Variants in PMFBP1 observed in about 807,000 individuals in gnomAD.
PMFBP1 encodes polyamine modulated factor 1 binding protein 1.
PMFBP1 carries 131 observed loss-of-function variants against 137.8 expected under a neutral mutation model. The observed-to-expected ratio is 0.95, with a 90% CI of 0.82 to 1.10. The LOEUF (loss-of-function observed/expected upper bound fraction) is 1.10. Ranked by LOEUF, PMFBP1 falls within the 50% of genes least tolerant of loss-of-function variation. The probability of loss-of-function intolerance (pLI) is 0.00; values close to 1 mark genes in which losing one functional copy is unlikely to be tolerated. For synonymous variants in PMFBP1, 490 were observed against 450.4 expected (o/e 1.09, Z -1.11); for missense variants, 1,199 against 1,175.4 (o/e 1.02, Z -0.29).
the PMFBP1 span, among the ~76,000 whole-genome samples, chr16:72,226,844 T>A: frequency 2.0e-5 from 3 of 152,284 alleles, no homozygotes; most frequent in East Asian, 5.8e-4. Context: ...CCCCTTGATC[T>A]CCATCAGCAA....
At position 72,154,465 on chromosome 16, in the gene PMFBP1, A is replaced by G. The variant is rs745359187; in HGVS notation, c.166-6T>C. The G allele has an allele frequency of 1.2e-6, 2 of 1,612,972 alleles. No homozygotes were observed. Among genetic ancestry groups the G allele is most frequent in the South Asian group, 2.2e-5 (2 of 91,050 alleles). On this transcript the variant is annotated splice_polypyrimidine_tract_variant and splice_region_variant and intron_variant, in intron 3 of 20. Transcript: ENST00000237353. ...GCCTGTGCTTGCTTCTTGTCCTACC[A>G]TAGAGACAGGATATACAAAAAAGGC...
At chr16:72,226,180 G>A in the PMFBP1 span, among the ~76,000 whole-genome samples, 1 of 152,152 alleles carries the variant, frequency 6.6e-6, no homozygotes, top group Non-Finnish European at 1.5e-5. Context: ...CCCAGGCTTT[G>A]TGAGCAGTGT....
At chr16:72,168,130 T>C (rs1414423580) in intron 2 of PMFBP1, among the ~76,000 whole-genome samples, 2 of 152,228 alleles carry the variant, frequency 1.3e-5, no homozygotes. Flanking sequence ...TCATCTTTCT[T>C]TGAATATTCC....
chr16:72,128,681 T>C lies in PMFBP1; in HGVS notation c.2064A>G (p.Gln688=). 6.2e-7 allele frequency: 1 copy of C among 1,614,196 alleles called. No homozygotes were observed. Among genetic ancestry groups the C allele is most frequent in the Non-Finnish European group, 8.5e-7 (1 of 1,180,034 alleles). Residue 688 remains glutamine, a synonymous_variant, in exon 14 of 21, where the codon CAA becomes CAG. Coordinates refer to ENST00000237353, the MANE Select transcript of PMFBP1 (RefSeq NM_031293.3). ...CCTCTTTATTCAAGTCTTGGATGACTTGCTGGCTGGTGTTGTATTTGTTGA... is the reference window on the plus strand; with the variant it reads ...CCTCTTTATTCAAGTCTTGGATGACCTGCTGGCTGGTGTTGTATTTGTTGA... The part of the protein sequence containing the change: ...SSLNKYNTSQ[Q]VIQDLNKEIA...
chr16:72,175,131 A>C (rs77875871), upstream of PMFBP1, among the ~76,000 whole-genome samples: 601 of 152,334 alleles, frequency 3.9e-3, 2 homozygotes, highest in Admixed American at 8.0e-3. Flanking sequence ...CAGAATGCTC[A>C]CTTTCCTGGT....
At chr16:72,156,430 A>G (rs2042981486) in intron 3 of PMFBP1, among the ~76,000 whole-genome samples, 1 of 152,016 alleles carries the variant, frequency 6.6e-6, no homozygotes, top group African/African-American at 2.4e-5. Flanking sequence ...CGTCCTGGCT[A>G]ACACAGTGAA....
the PMFBP1 span, among the ~76,000 whole-genome samples, chr16:72,202,756 G>A: frequency 5.3e-5 from 8 of 152,280 alleles, no homozygotes; most frequent in South Asian, 6.2e-4. Flanking sequence ...CCTGCTCCTC[G>A]GGCTTTTGAC....
the PMFBP1 span, among the ~76,000 whole-genome samples, chr16:72,207,696 A>C: frequency 1.5e-5 from 2 of 137,734 alleles, no homozygotes; most frequent in Non-Finnish European, 3.2e-5. Context: ...CCAGAGAAAG[A>C]GAACCAGTAG....
chr16:72,155,126 T>G (rs1359516065), intron 3 of PMFBP1, among the ~76,000 whole-genome samples: 1 of 152,144 alleles, frequency 6.6e-6, no homozygotes, highest in Non-Finnish European at 1.5e-5. Context: ...ATTCATTCAT[T>G]CATTCACTCA....
chr16:72,127,328 C>G (rs2042477296), intron 14 of PMFBP1, among the ~76,000 whole-genome samples: 1 of 152,148 alleles, frequency 6.6e-6, no homozygotes. Flanking sequence ...GAAACTATTC[C>G]TAAAGATGAA....
At chr16:72,148,312 T>C (rs1024246087) in intron 5 of PMFBP1, among the ~76,000 whole-genome samples, 16 of 140,268 alleles carry the variant, frequency 1.1e-4, no homozygotes, top group Admixed American at 5.4e-4. Flanking sequence ...TAAGTGGGAG[T>C]TGAACAATGA....
At position 72,161,094 on chromosome 16, in the gene PMFBP1, CTTTTTTT is replaced by C. The variant is rs35611285; in HGVS notation, c.165+3663_165+3669del. Among the ~76,000 whole-genome samples, 23 of 124,948 alleles carry C rather than the reference CTTTTTTT, an allele frequency of 1.8e-4. No homozygotes were observed. In the South Asian group the frequency reaches 3.6e-3, roughly 20 times the overall value. 82.0% of individuals were successfully genotyped at this position (124,948 alleles called of 152,430 possible). The stretch of plus-strand genomic sequence containing the variant: ...TATCACTGGATAGGTTTATCTGTTA[CTTTTTTT>C]TTTTTTTTTTTTTTGAGATGGAATC... On this transcript the variant is annotated intron_variant, in intron 3 of 20. Coordinates refer to ENST00000237353, the MANE Select transcript of PMFBP1 (RefSeq NM_031293.3).
chr16:72,150,286 T>C (rs905663270), intron 5 of PMFBP1, among the ~76,000 whole-genome samples: 1 of 152,152 alleles, frequency 6.6e-6, no homozygotes, highest in African/African-American at 2.4e-5. Flanking sequence ...CAGAGGGAGA[T>C]GAGCTGTGAT....
chr16:72,159,981 C>T (rs2043038255), intron 3 of PMFBP1, among the ~76,000 whole-genome samples: 1 of 152,132 alleles, frequency 6.6e-6, no homozygotes. Flanking sequence ...TCTGGTCTAC[C>T]AGGTTTCTCA....
chr16:72,224,031 C>T, the PMFBP1 span, among the ~76,000 whole-genome samples: 4,679 of 152,218 alleles, frequency 0.031, 99 homozygotes, highest in East Asian at 0.079. Flanking sequence ...ACAGACACGA[C>T]CCTGGTCTGC....
intron 4 of PMFBP1, among the ~76,000 whole-genome samples, chr16:72,153,107 C>A (rs151334681): frequency 2.6e-5 from 4 of 152,318 alleles, no homozygotes; most frequent in South Asian, 2.1e-4. Flanking sequence ...GTCACTTTAT[C>A]CAGGCTGGAC....
chr16:72,139,638 C>A (rs1567628665), intron 6 of PMFBP1, among the ~76,000 whole-genome samples: 1 of 152,148 alleles, frequency 6.6e-6, no homozygotes, highest in Non-Finnish European at 1.5e-5. Context: ...TGCACTCTCT[C>A]CTAAACCTCC....
chr16:72,223,885 G>T, the PMFBP1 span, among the ~76,000 whole-genome samples: 4 of 152,104 alleles, frequency 2.6e-5, no homozygotes, highest in South Asian at 2.1e-4. Flanking sequence ...CTTCTTAAAG[G>T]TTCCTATCTA....
chr16:72,209,864 G>C, the PMFBP1 span, among the ~76,000 whole-genome samples: 3 of 152,304 alleles, frequency 2.0e-5, no homozygotes, highest in African/African-American at 7.2e-5. Flanking sequence ...AGGCAGCAGG[G>C]CATGTTTTCC....
Sources: gnomAD v4.1 joint callset for allele counts (sites outside exome capture counted in the v4.1 genomes callset) on GRCh38, gnomAD v4.1.1 for gene constraint, MANE v1.5 for transcripts, NCBI Gene and HGNC (gene_info 2026-07-23, HGNC 2026-07-21) for gene names.